CLMP: variants seen among roughly 807,000 people sequenced by gnomAD.
The protein encoded by CLMP is CXADR-like membrane protein.
In CLMP, 27 loss-of-function variants were observed where a neutral mutation model predicts 45.2. The observed-to-expected ratio is 0.60, with a 90% CI of 0.44 to 0.82. The LOEUF is 0.82. CLMP is among the 40% of genes least tolerant of loss of function. The pLI is 0.00. For synonymous variants in CLMP, 167 were observed against 171.4 expected, an observed-to-expected ratio of 0.97 and a Z score of 0.20; for missense variants, 403 against 448.4, an observed-to-expected ratio of 0.90 and a Z score of 0.91.
At chr11:123,096,439 G>A (rs918118021) in intron 2 of CLMP, among the ~76,000 whole-genome samples, 7 of 152,124 alleles carry the variant, frequency 4.6e-5, no homozygotes, top group Non-Finnish European at 1.0e-4. Flanking sequence ...CGGGAGAATC[G>A]CTTGAACCCT....
intron 1 of CLMP, among the ~76,000 whole-genome samples, chr11:123,130,231 G>T (rs1030920133): frequency 3.9e-5 from 6 of 152,116 alleles, no homozygotes; most frequent in Admixed American, 2.0e-4. Context: ...GAACTTTACA[G>T]GGGAGTCCAA....
intron 1 of CLMP, among the ~76,000 whole-genome samples, chr11:123,115,617 G>A (rs920340319): frequency 3.3e-5 from 5 of 152,056 alleles, no homozygotes; most frequent in South Asian, 2.1e-4. Flanking sequence ...TAGAAGTCTA[G>A]GTAGTGGTTA....
intron 2 of CLMP, among the ~76,000 whole-genome samples, chr11:123,087,345 A>G (rs774380585): frequency 4.9e-4 from 74 of 152,090 alleles, no homozygotes; most frequent in Non-Finnish European, 7.8e-4. Context: ...CTCAAAAAAA[A>G]AAAGAAAGAA....
Position 123,153,138 on chromosome 11 carries a change from C to T in CLMP, c.28+41775G>A, listed in dbSNP as rs187444722. Reference sequence around the variant, plus strand: ...GACATTACGGCATCTCTCTGGACCACGCCGATGGAACTCCCAAGGTTTCCG... The same window carrying T: ...GACATTACGGCATCTCTCTGGACCATGCCGATGGAACTCCCAAGGTTTCCG... On this transcript the variant is annotated intron_variant, in intron 1 of 6. Transcript: ENST00000448775. Among the ~76,000 whole-genome samples the T allele has an allele frequency of 3.9e-5, 6 of 152,312 alleles. No homozygotes were observed. The East Asian group carries it at 9.6e-4, about 24-fold the overall frequency.
chr11:123,124,430 G>A (rs964272949), intron 1 of CLMP, among the ~76,000 whole-genome samples: 2 of 152,142 alleles, frequency 1.3e-5, no homozygotes, highest in African/African-American at 4.8e-5. Flanking sequence ...GATTTTTGGT[G>A]GGCTGTGGTG....
chr11:123,159,199 A>G (rs933248064), intron 1 of CLMP, among the ~76,000 whole-genome samples: 1 of 152,260 alleles, frequency 6.6e-6, no homozygotes, highest in African/African-American at 2.4e-5. Flanking sequence ...AAGCCCAGCA[A>G]AAACCCAGTC....
intron 1 of CLMP, among the ~76,000 whole-genome samples, chr11:123,113,361 G>A (rs1392649457): frequency 6.6e-6 from 1 of 152,208 alleles, no homozygotes; most frequent in Non-Finnish European, 1.5e-5. Flanking sequence ...CAGGCACCCA[G>A]TTCAAGGCAG....
intron 1 of CLMP, among the ~76,000 whole-genome samples, chr11:123,126,447 G>A (rs1470225904): frequency 2.0e-5 from 3 of 151,896 alleles, no homozygotes; most frequent in Non-Finnish European, 4.4e-5. Context: ...TTGTAGAGAC[G>A]GGAGTCTCAG....
In CLMP at chr11:123,093,692, G is replaced by T. The variant is rs181233297; in HGVS notation, c.186+4103C>A. Among the ~76,000 whole-genome samples, 5 of 138,128 alleles carry T rather than the reference G, an allele frequency of 3.6e-5. No homozygotes were observed. In the East Asian group the frequency reaches 9.9e-4, roughly 27 times the overall value. The allele number at this position is 138,128 out of a possible 152,430, so 90.6% of individuals were successfully genotyped here. The stretch of plus-strand genomic sequence containing the variant: ...CCTATTTTGTTTTTTATCCTAAGAA[G>T]TGTAGTGTTGAGACTAAGCAGTTCA... On this transcript the variant is annotated intron_variant, in intron 2 of 6. Coordinates refer to ENST00000448775, the MANE Select transcript of CLMP (RefSeq NM_024769.5).
At chr11:123,142,324 C>T (rs1861172470) in intron 1 of CLMP, among the ~76,000 whole-genome samples, 1 of 151,946 alleles carries the variant, frequency 6.6e-6, no homozygotes, top group African/African-American at 2.4e-5. Context: ...CTTGATTCTA[C>T]ATGTTGGGGA....
chr11:123,138,936 G>A (rs555369235), intron 1 of CLMP, among the ~76,000 whole-genome samples: 212 of 152,184 alleles, frequency 1.4e-3, no homozygotes, highest in African/African-American at 4.7e-3. Context: ...ATTACAGGGC[G>A]TGAGCCACTG....
In CLMP at chr11:123,073,808, C is replaced by T. The variant is rs754638208; in HGVS notation, c.822-34G>A. 1.1e-5 allele frequency: 17 copies of T among 1,532,110 alleles called. No homozygotes were observed. The Admixed American group carries it at 2.3e-4, about 21-fold the overall frequency. The allele number at this position is 1,532,110 out of a possible 1,614,324, so 94.9% of individuals were successfully genotyped here. On this transcript the variant is annotated intron_variant, in intron 6 of 6. Transcript: ENST00000448775. Reference sequence around the variant, plus strand: ...AAAAAACAGCAAAGATTAACACTGGCAGATCTGTGATTGCTTCCAGTATGA... The same window carrying T: ...AAAAAACAGCAAAGATTAACACTGGTAGATCTGTGATTGCTTCCAGTATGA...
chr11:123,191,690 G>T (rs1204600103), intron 1 of CLMP, among the ~76,000 whole-genome samples: 1 of 152,188 alleles, frequency 6.6e-6, no homozygotes, highest in East Asian at 1.9e-4. Context: ...CTCACTATTG[G>T]GTTATCCCGC....
chr11:123,105,830 T>G lies in CLMP; in HGVS notation c.29-7878A>C, dbSNP rs573916116. On this transcript the variant is annotated intron_variant, in intron 1 of 6. Transcript: ENST00000448775. ...TTTGTTTGTTTGTTTTTTGTTTTTT[T>G]TTTTTTGAGACAATCTTGCTCTGTC... Among the ~76,000 whole-genome samples, 271 of 151,398 alleles carry G rather than the reference T, an allele frequency of 1.8e-3. 2 individuals carry two copies. In the Middle Eastern group the frequency reaches 0.031, roughly 17 times the overall value.
intron 1 of CLMP, among the ~76,000 whole-genome samples, chr11:123,150,284 T>C (rs1322826793): frequency 1.3e-5 from 2 of 149,970 alleles, no homozygotes; most frequent in Non-Finnish European, 3.0e-5. Flanking sequence ...TTGAGAACAA[T>C]AGACTAAGAG....
intron 1 of CLMP, among the ~76,000 whole-genome samples, chr11:123,118,995 TTCTTTCTCTCTCTCTCTCTC>T: frequency 5.4e-5 from 1 of 18,406 alleles, no homozygotes; most frequent in Non-Finnish European, 1.0e-4. Flanking sequence ...CTTTCTTTCT[TTCTTTCTCTCTCTCTCTCTC>T]TCTCTCTCTC....
At chr11:123,149,790 C>CCTTTCTTTCTTT (rs56251948) in intron 1 of CLMP, among the ~76,000 whole-genome samples, 1 of 149,786 alleles carries the variant, frequency 6.7e-6, no homozygotes, top group African/African-American at 2.5e-5. Context: ...TTTCTTTCTT[C>CCTTTCTTTCTTT]CTTTCTTTCT....
chr11:123,114,271 T>C (rs1860687691), intron 1 of CLMP, among the ~76,000 whole-genome samples: 1 of 152,168 alleles, frequency 6.6e-6, no homozygotes, highest in Non-Finnish European at 1.5e-5. Flanking sequence ...ATTCAGCCTT[T>C]AGTTTTATCC....
At chr11:123,076,607 A>G (rs1157489991) in intron 5 of CLMP, among the ~76,000 whole-genome samples, 4 of 152,154 alleles carry the variant, frequency 2.6e-5, no homozygotes, top group Admixed American at 2.6e-4. Flanking sequence ...TTATCTAGGA[A>G]CAGAGCATTC....
Sources: allele counts gnomAD v4.1 joint callset (sites outside exome capture counted in the v4.1 genomes callset), GRCh38; gene constraint gnomAD v4.1.1; transcripts MANE v1.5; gene names NCBI Gene and HGNC (gene_info 2026-07-23, HGNC 2026-07-21).